Variants in ERBB4 observed in about 807,000 individuals in gnomAD.
The protein encoded by ERBB4 is receptor tyrosine-protein kinase erbB-4.
ERBB4 carries 42 observed loss-of-function variants against 158.0 expected under a neutral mutation model. That is an observed-to-expected ratio of 0.27 (90% CI 0.21 to 0.34). ERBB4 has a LOEUF of 0.34. ERBB4 is among the 10% of genes least tolerant of loss of function. The pLI, the probability that ERBB4 is intolerant of heterozygous loss-of-function variation, is 1.00. For missense variants in ERBB4, 1,333 were observed against 1,624.1 expected (o/e 0.82, Z 3.08); for synonymous variants, 583 against 558.7 (o/e 1.04, Z -0.61).
intron 3 of ERBB4, among the ~76,000 whole-genome samples, chr2:211,843,490 C>T (rs2077521351): frequency 6.6e-6 from 1 of 152,018 alleles, no homozygotes; most frequent in Admixed American, 6.6e-5. Flanking sequence ...TTGTATACCA[C>T]AGACTGAGAA....
At chr2:211,580,874 T>G (rs1349256799) in intron 19 of ERBB4, among the ~76,000 whole-genome samples, 3 of 926 alleles carry the variant, frequency 3.2e-3, no homozygotes, top group Admixed American at 0.033. Flanking sequence ...TACATATATA[T>G]ATATATATAT....
chr2:211,867,691 T>C (rs76042725), intron 3 of ERBB4, among the ~76,000 whole-genome samples: 2,071 of 152,266 alleles, frequency 0.014, 54 homozygotes, highest in African/African-American at 0.046. Flanking sequence ...ACCTCCTGAG[T>C]AGCTGAGACT....
At chr2:212,188,919 G>A (rs1239514476) in intron 1 of ERBB4, among the ~76,000 whole-genome samples, 2 of 151,944 alleles carry the variant, frequency 1.3e-5, no homozygotes, top group Non-Finnish European at 2.9e-5. Flanking sequence ...AATGCATGCT[G>A]AACATTCATT....
intron 2 of ERBB4, among the ~76,000 whole-genome samples, chr2:212,012,051 G>T (rs2076400882): frequency 6.6e-6 from 1 of 152,140 alleles, no homozygotes; most frequent in East Asian, 1.9e-4. Context: ...TGACCAATTA[G>T]GGTTGTTTTT....
chr2:211,710,241 C>T (rs992388818), intron 9 of ERBB4, among the ~76,000 whole-genome samples: 2 of 152,126 alleles, frequency 1.3e-5, no homozygotes, highest in African/African-American at 4.8e-5. Context: ...TCATTCCCCA[C>T]AGTGAAAGGC....
At chr2:211,385,801 C>T (rs1036570900) in intron 27 of ERBB4, among the ~76,000 whole-genome samples, 36 of 152,058 alleles carry the variant, frequency 2.4e-4, no homozygotes, top group East Asian at 1.2e-3. Flanking sequence ...AATAACTTTA[C>T]GGTTGGAGTG....
At chr2:212,461,800 C>T (rs1016971150) in intron 1 of ERBB4, among the ~76,000 whole-genome samples, 2 of 152,150 alleles carry the variant, frequency 1.3e-5, no homozygotes, top group African/African-American at 4.8e-5. Context: ...GGAGATAACT[C>T]AGTCATGGGG....
At chr2:211,433,476 G>A (rs2063786389) in intron 20 of ERBB4, among the ~76,000 whole-genome samples, 1 of 152,036 alleles carries the variant, frequency 6.6e-6, no homozygotes, top group Admixed American at 6.5e-5. Context: ...AGCTACTCGG[G>A]AGGCTGAGGC....
intron 5 of ERBB4, among the ~76,000 whole-genome samples, chr2:211,732,973 T>C (rs1029864471): frequency 3.9e-5 from 6 of 152,106 alleles, no homozygotes; most frequent in African/African-American, 1.2e-4. Context: ...TGAGACTCCG[T>C]CTCAAAAAAC....
At chr2:212,122,962 AC>A (rs1346061631) in intron 2 of ERBB4, among the ~76,000 whole-genome samples, 2 of 152,156 alleles carry the variant, frequency 1.3e-5, no homozygotes, top group Admixed American at 1.3e-4. Context: ...AATCTAATAG[AC>A]TGTTTAAATT....
chr2:212,255,549 A>C (rs1300966078), intron 1 of ERBB4, among the ~76,000 whole-genome samples: 1 of 152,172 alleles, frequency 6.6e-6, no homozygotes, highest in Non-Finnish European at 1.5e-5. Flanking sequence ...TCCTTAACCA[A>C]AATGCTTGGG....
intron 20 of ERBB4, among the ~76,000 whole-genome samples, chr2:211,516,626 C>T (rs1258977242): frequency 1.3e-5 from 2 of 152,084 alleles, no homozygotes; most frequent in African/African-American, 2.4e-5. Context: ...TGAACCACTG[C>T]GCCCAACCTG....
chr2:211,680,526 G>T (rs1445889649), intron 12 of ERBB4, among the ~76,000 whole-genome samples: 3 of 152,160 alleles, frequency 2.0e-5, no homozygotes, highest in African/African-American at 7.2e-5. Flanking sequence ...TGCGAGGTGG[G>T]TTGGGATGGC....
chr2:211,441,282 A>AT (rs1452965294), intron 20 of ERBB4, among the ~76,000 whole-genome samples: 1 of 152,134 alleles, frequency 6.6e-6, no homozygotes, highest in African/African-American at 2.4e-5. Context: ...TAATATTACC[A>AT]TAGAAGTACC....
intron 19 of ERBB4, among the ~76,000 whole-genome samples, chr2:211,610,400 GATCA>G (rs2069149929): frequency 6.6e-6 from 1 of 152,120 alleles, no homozygotes; most frequent in South Asian, 2.1e-4. Context: ...TCTGGAAACA[GATCA>G]TTAACAAAAC....
intron 19 of ERBB4, among the ~76,000 whole-genome samples, chr2:211,617,218 T>C (rs184917061): frequency 6.6e-6 from 1 of 152,240 alleles, no homozygotes; most frequent in East Asian, 1.9e-4. Context: ...ATTATTAGCA[T>C]TCTCATGAAT....
intron 2 of ERBB4, among the ~76,000 whole-genome samples, chr2:212,106,760 C>T (rs545210868): frequency 2.6e-5 from 4 of 152,336 alleles, no homozygotes; most frequent in African/African-American, 9.6e-5. Flanking sequence ...CTGCTGTGTG[C>T]AGTCTAGGGA....
rs150312098 is a variant in ERBB4 at position 211,878,652 on chromosome 2, G to GTTTTTT, written c.421+68777_421+68778insAAAAAA. On this transcript the variant is annotated intron_variant, in intron 3 of 27. Transcript: ENST00000342788. ...AGGAAAAAAAATTAAGACAAATTAAGTTTTGTTTTTTTTTTTTTCCTTGAG... is the reference window on the plus strand; with the variant it reads ...AGGAAAAAAAATTAAGACAAATTAAGTTTTTTTTTTGTTTTTTTTTTTTTCCTTGAG... 2.8e-3 allele frequency among the ~76,000 whole-genome samples: 279 copies of GTTTTTT among 99,052 alleles called. 8 individuals carry two copies. The highest frequency in any genetic ancestry group is 4.1e-3 in the Non-Finnish European group (203 of 49,656). 65.0% of individuals were successfully genotyped at this position (99,052 alleles called of 152,430 possible).
chr2:211,849,139 G>T (rs2077659514), intron 3 of ERBB4, among the ~76,000 whole-genome samples: 1 of 151,808 alleles, frequency 6.6e-6, no homozygotes, highest in South Asian at 2.1e-4. Flanking sequence ...GCAGAAATAT[G>T]GAAGACATAT....
Sources: gnomAD v4.1 joint callset for allele counts (sites outside exome capture counted in the v4.1 genomes callset) on GRCh38, gnomAD v4.1.1 for gene constraint, MANE v1.5 for transcripts, NCBI Gene and HGNC (gene_info 2026-07-23, HGNC 2026-07-21) for gene names.